The following NCKAP5 variants were observed in gnomAD, a reference collection of about 807,000 sequenced individuals.
NCKAP5 encodes nck-associated protein 5.
NCKAP5 carries 92 observed loss-of-function variants against 167.0 expected under a neutral mutation model. That is an observed-to-expected ratio of 0.55 (90% CI 0.47 to 0.66). The LOEUF is 0.66. Among genes scored for constraint, NCKAP5 ranks in the 30% least tolerant of loss-of-function variants. NCKAP5 has a pLI of 0.00. For missense variants in NCKAP5, 2,378 were observed against 2,315.0 expected (o/e 1.03, Z -0.56); for synonymous variants, 891 against 877.4 (o/e 1.02, Z -0.27).
At chr2:133,384,118 T>G (rs960482951) in intron 3 of NCKAP5, among the ~76,000 whole-genome samples, 1 of 152,250 alleles carries the variant, frequency 6.6e-6, no homozygotes, top group African/African-American at 2.4e-5. Context: ...GTTTTAGACA[T>G]GAAGTCCTTG....
chr2:133,108,121 T>G (rs950394510), intron 6 of NCKAP5, among the ~76,000 whole-genome samples: 2 of 152,232 alleles, frequency 1.3e-5, no homozygotes, highest in South Asian at 4.1e-4. Flanking sequence ...GTTTGCTGTT[T>G]TCTGTGATCC....
At chr2:133,124,764 A>G (rs1359580201) in intron 6 of NCKAP5, among the ~76,000 whole-genome samples, 1 of 152,236 alleles carries the variant, frequency 6.6e-6, no homozygotes, top group African/African-American at 2.4e-5. Flanking sequence ...TTTCATTACT[A>G]ATCTACAAAC....
At chr2:133,205,619 T>C (rs903980297) in intron 5 of NCKAP5, among the ~76,000 whole-genome samples, 2 of 152,142 alleles carry the variant, frequency 1.3e-5, no homozygotes, top group Non-Finnish European at 2.9e-5. Context: ...TATATTTTCA[T>C]AGTAATATTT....
intron 5 of NCKAP5, among the ~76,000 whole-genome samples, chr2:133,208,949 G>T (rs1207899515): frequency 1.3e-5 from 2 of 152,118 alleles, no homozygotes; most frequent in Non-Finnish European, 2.9e-5. Flanking sequence ...TATGGTAAGG[G>T]TAGTAATAAA....
chr2:133,173,175 T>C (rs1005780813), intron 5 of NCKAP5, among the ~76,000 whole-genome samples: 4 of 152,088 alleles, frequency 2.6e-5, no homozygotes, highest in Non-Finnish European at 5.9e-5. Flanking sequence ...GTAAAGTCTT[T>C]AGATTTGGGG....
intron 2 of NCKAP5, among the ~76,000 whole-genome samples, chr2:133,547,189 C>T (rs1045765833): frequency 1.3e-5 from 2 of 152,186 alleles, no homozygotes; most frequent in African/African-American, 2.4e-5. Flanking sequence ...AAACGGCGCG[C>T]CACGAGATTA....
At chr2:132,870,307 T>C (rs7597862) in intron 9 of NCKAP5, among the ~76,000 whole-genome samples, 77,554 of 152,022 alleles carry the variant, frequency 0.51, 20,174 homozygotes, top group East Asian at 0.71. Context: ...ACATGGCTAC[T>C]GTTGATAAAA....
intron 7 of NCKAP5, among the ~76,000 whole-genome samples, chr2:132,979,017 G>A (rs1421304402): frequency 7.9e-5 from 12 of 152,170 alleles, no homozygotes; most frequent in Non-Finnish European, 1.8e-4. Context: ...CTTTGAACTT[G>A]TGGGGCTGAG....
At chr2:133,607,719 T>A in the NCKAP5 span, among the ~76,000 whole-genome samples, 1 of 152,242 alleles carries the variant, frequency 6.6e-6, no homozygotes, top group South Asian at 2.1e-4. Flanking sequence ...CCCTTTGATT[T>A]ATTAAAGAAA....
intron 13 of NCKAP5, among the ~76,000 whole-genome samples, chr2:132,788,169 G>A (rs533155368): frequency 6.6e-6 from 1 of 152,340 alleles, no homozygotes; most frequent in African/African-American, 2.4e-5. Flanking sequence ...GTGGGGAGGA[G>A]CTGGCATTTC....
chr2:133,093,213 T>C (rs2081245494), intron 6 of NCKAP5, among the ~76,000 whole-genome samples: 1 of 152,164 alleles, frequency 6.6e-6, no homozygotes, highest in Non-Finnish European at 1.5e-5. Context: ...TTTCATTCAA[T>C]TAAAAAACAA....
rs11307595 is a variant in NCKAP5, at chr2:132,817,445, TAA to T, written c.808-20718_808-20717del. Among the ~76,000 whole-genome samples, 737 of 150,758 alleles carry T rather than the reference TAA, an allele frequency of 4.9e-3. 5 individuals are homozygous for T. Among genetic ancestry groups the T allele is most frequent in the African/African-American group, 0.017 (683 of 41,316 alleles). Reference sequence around the variant, plus strand: ...AGTTCCTCTAATATGTTACAAGAAATAAAAAAAAAAATTCCTGGTTTTAAATC... The same window carrying T: ...AGTTCCTCTAATATGTTACAAGAAATAAAAAAAAATTCCTGGTTTTAAATC... On this transcript the variant is annotated intron_variant, in intron 11 of 19. Transcript: ENST00000409261.
At chr2:132,839,597 C>T (rs1449566420) in intron 11 of NCKAP5, among the ~76,000 whole-genome samples, 2 of 151,752 alleles carry the variant, frequency 1.3e-5, no homozygotes, top group Non-Finnish European at 2.9e-5. Context: ...CCCATCTCTA[C>T]AAACAATACA....
chr2:133,234,261 A>G (rs2087290254), intron 4 of NCKAP5, among the ~76,000 whole-genome samples: 1 of 152,206 alleles, frequency 6.6e-6, no homozygotes, highest in Admixed American at 6.5e-5. Context: ...TAAGTCCTTT[A>G]GATAAACAAA....
chr2:133,447,778 G>A (rs932801004), intron 3 of NCKAP5, among the ~76,000 whole-genome samples: 1 of 152,084 alleles, frequency 6.6e-6, no homozygotes, highest in Non-Finnish European at 1.5e-5. Context: ...AAGCCACTGT[G>A]CCCAGCCTCT....
chr2:133,262,893 G>T (rs2088986905), intron 4 of NCKAP5, among the ~76,000 whole-genome samples: 1 of 152,182 alleles, frequency 6.6e-6, no homozygotes, highest in Non-Finnish European at 1.5e-5. Flanking sequence ...TGATTAGGGG[G>T]TTACAAAGAA....
At chr2:133,016,578 T>C (rs1005626661) in intron 6 of NCKAP5, among the ~76,000 whole-genome samples, 1 of 152,218 alleles carries the variant, frequency 6.6e-6, no homozygotes, top group Admixed American at 6.5e-5. Flanking sequence ...GTTAATGCTA[T>C]AGAAGAAAGC....
At chr2:133,508,194 G>A (rs1011021614) in intron 3 of NCKAP5, among the ~76,000 whole-genome samples, 1 of 152,114 alleles carries the variant, frequency 6.6e-6, no homozygotes, top group Non-Finnish European at 1.5e-5. Flanking sequence ...GTATAAGCCA[G>A]GCACCCTGGA....
intron 8 of NCKAP5, among the ~76,000 whole-genome samples, chr2:132,951,853 C>T (rs1246223489): frequency 6.6e-6 from 1 of 152,148 alleles, no homozygotes; most frequent in Non-Finnish European, 1.5e-5. Flanking sequence ...TTTTGAATCA[C>T]AACTTGTGTA....
Sources: gnomAD v4.1 joint callset for allele counts (sites outside exome capture counted in the v4.1 genomes callset) on GRCh38, gnomAD v4.1.1 for gene constraint, MANE v1.5 for transcripts, NCBI Gene and HGNC (gene_info 2026-07-23, HGNC 2026-07-21) for gene names.